The following C1orf105 variants were observed in gnomAD, a reference collection of about 807,000 sequenced individuals.
C1orf105 encodes chromosome 1 open reading frame 105.
C1orf105 carries 17 observed loss-of-function variants against 20.8 expected under a neutral mutation model. The ratio of observed to expected loss-of-function variants is 0.82; its 90% CI spans 0.56 to 1.23. C1orf105 has a LOEUF of 1.23. Among genes scored for constraint, C1orf105 ranks in the 50% most tolerant of loss-of-function variants. The pLI is 0.00. For missense variants in C1orf105, 219 were observed against 213.5 expected (o/e 1.03, Z -0.16); for synonymous variants, 72 against 72.1 (o/e 1.00, Z 0.01).
In C1orf105 at chr1:172,465,304, GTCT is replaced by G. The variant is rs770569951; in HGVS notation, c.350_352del (p.Leu117del). The G allele has an allele frequency of 5.0e-6, 8 of 1,611,566 alleles. No homozygotes were observed. The South Asian group carries it at 8.8e-5, about 18-fold the overall frequency. On this transcript the variant is annotated inframe_deletion, in exon 6 of 7. Coordinates refer to ENST00000367727, the MANE Select transcript of C1orf105 (RefSeq NM_139240.4). ...TTCTTGTTTCTTCCAATCAGAATGAGTCTTCATCAACCCAAATTCCAGACTACA... is the reference window on the plus strand; with the variant it reads ...TTCTTGTTTCTTCCAATCAGAATGAGTCATCAACCCAAATTCCAGACTACA...
intron 4 of C1orf105, among the ~76,000 whole-genome samples, chr1:172,458,904 A>G (rs2149188731): frequency 6.6e-6 from 1 of 152,326 alleles, no homozygotes; most frequent in East Asian, 1.9e-4. Context: ...TTTATAAACA[A>G]TTGATTTTTG....
chr1:172,444,575 C>G (rs983864975), intron 1 of C1orf105, among the ~76,000 whole-genome samples: 1 of 152,188 alleles, frequency 6.6e-6, no homozygotes, highest in African/African-American at 2.4e-5. Flanking sequence ...GAGGACAAAT[C>G]TAAGGCTCAG....
intron 1 of C1orf105, chr1:172,431,080 T>C: frequency 1.5e-6 from 1 of 662,126 alleles, no homozygotes; most frequent in Non-Finnish European, 2.7e-6. Flanking sequence ...GACACAACAG[T>C]ATCAAAATTA....
In C1orf105 at chr1:172,468,502, G is replaced by A. The variant is rs146020107; in HGVS notation, c.460G>A (p.Gly154Arg). The change falls in exon 7 of 7, where the codon GGA becomes AGA. Residue 154 changes from glycine (G) to arginine (R), a missense_variant. Coordinates refer to ENST00000367727, the MANE Select transcript of C1orf105 (RefSeq NM_139240.4). ...ILGPRTAVFHGLLTEAYKTLK... is the reference protein window; with the variant it reads ...ILGPRTAVFHRLLTEAYKTLK... ...GGGCCCCAGGACAGCTGTCTTCCAC[G>A]GATTACTGACAGAGGCCTACAAAAC... 2.9e-5 allele frequency: 47 copies of A among 1,613,754 alleles called. No homozygotes were observed. The African/African-American group carries it at 4.7e-4, about 16-fold the overall frequency.
intron 2 of C1orf105, 50 bp from the exon 3 acceptor site, chr1:172,448,391 C>G: frequency 7.7e-7 from 1 of 1,290,606 alleles, no homozygotes; most frequent in East Asian, 2.3e-5. Context: ...GGGCCTGGCT[C>G]TTCAAACATG....
chr1:172,466,984 G>A lies in C1orf105; in HGVS notation c.407-1465G>A, dbSNP rs867293518. On this transcript the variant is annotated intron_variant, in intron 6 of 6. Coordinates refer to ENST00000367727, the MANE Select transcript of C1orf105 (RefSeq NM_139240.4). ...ATGAAAACGGCACTAGGCTAGAAGC[G>A]ATGAGACCTCGGTAGGAATCCTAGT... Among the ~76,000 whole-genome samples the A allele has an allele frequency of 8.5e-5, 13 of 152,312 alleles. No individual in the cohort carries two copies. The Middle Eastern group carries it at 0.01, about 120-fold the overall frequency.
In C1orf105 at chr1:172,456,473, G is replaced by A. The variant is rs1253946908; in HGVS notation, c.257G>A (p.Cys86Tyr). 4.3e-6 allele frequency: 7 copies of A among 1,613,404 alleles called. No homozygotes were observed. In the East Asian group the frequency reaches 8.9e-5, roughly 21 times the overall value. The change falls in exon 4 of 7, where the codon TGT becomes TAT. Residue 86 changes from cysteine (C) to tyrosine (Y), a missense_variant. Transcript: ENST00000367727. ...LLRNQQLCST[C>Y]QEMKMVQPRT... ...AGAAACCAACAGCTGTGCTCCACAT[G>A]TCAAGAAATGAAAATGGTAGGCAAG... is the stretch of plus-strand genomic sequence containing the variant.
intron 1 of C1orf105, among the ~76,000 whole-genome samples, chr1:172,423,867 A>G (rs549442742): frequency 6.6e-6 from 1 of 152,224 alleles, no homozygotes; most frequent in African/African-American, 2.4e-5. Flanking sequence ...AGAATTGATC[A>G]AGCAGAAGAA....
rs79717773 is a variant in C1orf105, at chr1:172,437,009, A to G, written c.22-8064A>G. On this transcript the variant is annotated intron_variant, in intron 1 of 6. Transcript: ENST00000367727. ...AAAATGCTCATCATCACTGGTCATCAGAGAAATGCAAATCAAAATCACAAT... is the reference window on the plus strand; with the variant it reads ...AAAATGCTCATCATCACTGGTCATCGGAGAAATGCAAATCAAAATCACAAT... Among the ~76,000 whole-genome samples, 30 of 152,396 alleles carry G rather than the reference A, an allele frequency of 2.0e-4. No homozygotes were observed. The East Asian group carries it at 5.4e-3, about 27-fold the overall frequency.
At chr1:172,453,231 A>C in intron 3 of C1orf105, 1 of 1,541,328 alleles carries the variant, frequency 6.5e-7, no homozygotes, top group Non-Finnish European at 8.8e-7. Flanking sequence ...TTACCTTTAA[A>C]TGTAAAGTGT....
Sources: gnomAD v4.1 joint callset for allele counts (sites outside exome capture counted in the v4.1 genomes callset) on GRCh38, gnomAD v4.1.1 for gene constraint, MANE v1.5 for transcripts, NCBI Gene and HGNC (gene_info 2026-07-23, HGNC 2026-07-21) for gene names.